TNPO3: variants seen among roughly 807,000 people sequenced by gnomAD.
The protein encoded by TNPO3 is transportin 3, also known as transportin-3.
A neutral mutation model predicts 122.8 loss-of-function variants in TNPO3; 65 were observed. That is an observed-to-expected ratio of 0.53 (90% CI 0.43 to 0.65). The LOEUF (loss-of-function observed/expected upper bound fraction) is 0.65, where lower values mean the gene tolerates loss of function less well. Ranked by LOEUF, TNPO3 falls within the 30% of genes least tolerant of loss-of-function variation. The probability of loss-of-function intolerance (pLI) is 0.00; values close to 1 mark genes in which losing one functional copy is unlikely to be tolerated. For missense variants in TNPO3, 850 were observed against 1,136.7 expected (o/e 0.75, Z 3.63); for synonymous variants, 372 against 411.2 (o/e 0.90, Z 1.15).
At chr7:129,047,207 T>C (rs531720898) in intron 1 of TNPO3, among the ~76,000 whole-genome samples, 3 of 152,334 alleles carry the variant, frequency 2.0e-5, no homozygotes, top group Middle Eastern at 3.4e-3. Context: ...TGAGGTAATA[T>C]CTAACCCAAA....
rs137891112 is a variant in TNPO3, at chr7:128,990,050, G to T, written c.1409C>A (p.Pro470Gln). ...TCGCACAGCCGTATGTACGGTCTCC[G>T]GGAGGCGGACAACTCCTTCTAGGAC... is the stretch of plus-strand genomic sequence containing the variant. ...VEVLEGVVRL[P>Q]ETVHTAVRYT... Residue 470 changes from proline (P) to glutamine (Q), a missense_variant, in exon 11 of 23, where the codon CCG becomes CAG. Pro to Gln is a moderately conservative substitution (Grantham distance 76). Transcript: ENST00000265388. The T allele has an allele frequency of 6.2e-7, 1 of 1,614,040 alleles. No homozygotes were observed. Among genetic ancestry groups the T allele is most frequent in the Non-Finnish European group, 8.5e-7 (1 of 1,180,042 alleles).
chr7:129,028,678 C>T (rs1054157740), intron 1 of TNPO3, among the ~76,000 whole-genome samples: 3 of 152,218 alleles, frequency 2.0e-5, no homozygotes, highest in Admixed American at 6.5e-5. Context: ...ACAGGCACAG[C>T]AGAGAGGTCC....
At chr7:128,969,381 ATATTAT>A (rs1563087807) in intron 20 of TNPO3, among the ~76,000 whole-genome samples, 1 of 152,176 alleles carries the variant, frequency 6.6e-6, no homozygotes, top group East Asian at 1.9e-4. Context: ...TATCTGTTAT[ATATTAT>A]TATTATCAAT....
chr7:128,971,695 A>T (rs1798508402), intron 19 of TNPO3, among the ~76,000 whole-genome samples: 1 of 152,202 alleles, frequency 6.6e-6, no homozygotes, highest in South Asian at 2.1e-4. Flanking sequence ...TTAGTTGTCT[A>T]CTAACAAACT....
Position 128,972,518 on chromosome 7 carries a change from C to T in TNPO3, c.2338G>A (p.Ala780Thr). Residue 780 changes from alanine (A) to threonine (T), a missense_variant, in exon 19 of 23, where the codon GCC (alanine) becomes ACC (threonine). By Grantham distance (58) the Ala-to-Thr change is moderately conservative (BLOSUM62 0). Coordinates refer to ENST00000265388, the MANE Select transcript of TNPO3 (RefSeq NM_012470.4). The stretch of plus-strand genomic sequence containing the variant: ...TGGTCCAGGGTAGTAGAGGCAATGG[C>T]CCACTGTAAGATAGGGATGACCACT... Reference protein sequence around the residue: ...SQVVIPILQWAIASTTLDHRD... With the variant: ...SQVVIPILQWTIASTTLDHRD... 6.2e-7 allele frequency: 1 copy of T among 1,614,000 alleles called. No homozygotes were observed. Among genetic ancestry groups the T allele is most frequent in the Non-Finnish European group, 8.5e-7 (1 of 1,179,938 alleles).
rs766481865 is a variant in TNPO3, at chr7:129,010,844, G to A, written c.552+4135C>T. 1.4e-3 allele frequency among the ~76,000 whole-genome samples: 207 copies of A among 151,966 alleles called. 1 individual carries two copies. Among genetic ancestry groups the A allele is most frequent in the Non-Finnish European group, 1.3e-3 (88 of 68,002 alleles). On this transcript the variant is annotated intron_variant, in intron 4 of 22. Coordinates refer to ENST00000265388, the MANE Select transcript of TNPO3 (RefSeq NM_012470.4). ...CTATAGGTTGGGTGTGGTGGTTCAC[G>A]TTTGTAATCTCATCATTAAGGGAGG...
intron 4 of TNPO3, among the ~76,000 whole-genome samples, chr7:129,013,787 C>CA (rs1803500182): frequency 6.6e-6 from 1 of 152,068 alleles, no homozygotes; most frequent in Admixed American, 6.6e-5. Flanking sequence ...TCGTTAGCCA[C>CA]AAAAAGAATA....
At chr7:128,989,906 G>GA in intron 11 of TNPO3, 55 bp downstream of exon 11, 1 of 1,586,106 alleles carries the variant, frequency 6.3e-7, no homozygotes, top group Non-Finnish European at 8.6e-7. Flanking sequence ...GAGATGAGAA[G>GA]AAAAATCAGA....
At chr7:129,051,882 G>C (rs1031395227) in intron 1 of TNPO3, among the ~76,000 whole-genome samples, 65 of 152,304 alleles carry the variant, frequency 4.3e-4, no homozygotes, top group Non-Finnish European at 7.9e-4. Flanking sequence ...GACCTCAAGC[G>C]ATCCGCCCGC....
chr7:129,027,579 AAAAAAAAAAAAAC>A lies in TNPO3; in HGVS notation c.121-9435_121-9423del, dbSNP rs1354172732. ...GTCTCAAAAAAAAAAAAAAAAAAAA[AAAAAAAAAAAAAC>A]AACACAAAAAATTCACTAAATACTC... On this transcript the variant is annotated intron_variant, in intron 1 of 22. Transcript: ENST00000265388. 1.1e-3 allele frequency among the ~76,000 whole-genome samples: 149 copies of A among 138,280 alleles called. 3 individuals carry two copies. The highest frequency in any genetic ancestry group is 2.6e-3 in the African/African-American group (101 of 38,156). The allele number at this position is 138,280 out of a possible 152,430, so 90.7% of individuals were successfully genotyped here.
Position 128,986,826 on chromosome 7 carries a change from T to A in TNPO3, c.1593A>T (p.Arg531=), listed in dbSNP as rs1800208124. ...KAIHNICSVC[R]DHMAQHFNGL... ...CATTAAAGTGCTGAGCCATGTGATC[T>A]CGGCAGACAGAGCAAATGTTATGAA... Residue 531 remains arginine (R), a synonymous_variant, in exon 12 of 23, where the codon CGA becomes CGT. Coordinates refer to ENST00000265388, the MANE Select transcript of TNPO3 (RefSeq NM_012470.4). 9.9e-6 allele frequency: 16 copies of A among 1,614,144 alleles called. No individual in the cohort carries two copies. Among genetic ancestry groups the A allele is most frequent in the Non-Finnish European group, 1.4e-5 (16 of 1,180,010 alleles).
chr7:129,031,130 C>CA (rs902206712), intron 1 of TNPO3, among the ~76,000 whole-genome samples: 6 of 151,984 alleles, frequency 3.9e-5, no homozygotes, highest in African/African-American at 1.4e-4. Flanking sequence ...ACTAAAAATA[C>CA]AAAAAAATAA....
At chr7:129,053,417 C>T (rs910843457) in intron 1 of TNPO3, among the ~76,000 whole-genome samples, 2 of 150,720 alleles carry the variant, frequency 1.3e-5, no homozygotes, top group African/African-American at 2.5e-5. Context: ...ATCTCTTGAA[C>T]CCGGGAGGAG....
intron 1 of TNPO3, among the ~76,000 whole-genome samples, chr7:129,051,113 G>C (rs1199468950): frequency 6.7e-6 from 1 of 149,582 alleles, no homozygotes; most frequent in Non-Finnish European, 1.5e-5. Context: ...ATTTGAGGGT[G>C]ACTTATTGTG....
At chr7:128,957,359 C>T in intron 21 of TNPO3, 44 bp from the exon 22 acceptor site, 1 of 1,602,730 alleles carries the variant, frequency 6.2e-7, no homozygotes, top group Admixed American at 1.7e-5. Flanking sequence ...AGGAGAAAGA[C>T]AGAATATGCT....
At position 129,054,921 on chromosome 7, in the gene TNPO3, G is replaced by A; in HGVS notation, c.-151C>T. The A allele has an allele frequency of 9.4e-7, 1 of 1,060,814 alleles. No individual in the cohort carries two copies. The highest frequency in any genetic ancestry group is 1.3e-6 in the Non-Finnish European group (1 of 741,104). The allele number at this position is 1,060,814 out of a possible 1,614,324, so 65.7% of individuals were successfully genotyped here. A position where few individuals can be genotyped will look rare whatever the true frequency, so the allele number is the denominator to read the frequency against. On this transcript the variant is annotated 5_prime_UTR_variant, in exon 1 of 23. Coordinates refer to ENST00000265388, the MANE Select transcript of TNPO3 (RefSeq NM_012470.4). ...TCTTTGGCCGTTACCAGGGCAGAAG[G>A]CTCTCCGTGGAAGTTGCCCCCTCGG...
At chr7:128,987,010 T>C (rs1800233164) in intron 11 of TNPO3, 90 bp from the exon 12 acceptor site, 1 of 1,359,324 alleles carries the variant, frequency 7.4e-7, no homozygotes, top group African/African-American at 1.5e-5. Flanking sequence ...GCTTTTCTTT[T>C]TTTAAAGCAA....
At chr7:128,976,856 G>T (rs1799110708) in intron 16 of TNPO3, among the ~76,000 whole-genome samples, 1 of 152,222 alleles carries the variant, frequency 6.6e-6, no homozygotes, top group South Asian at 2.1e-4. Flanking sequence ...TGGGAGCTAT[G>T]AATCCATTCC....
At chr7:129,037,463 T>C (rs1332023984) in intron 1 of TNPO3, among the ~76,000 whole-genome samples, 6 of 151,972 alleles carry the variant, frequency 3.9e-5, no homozygotes, top group African/African-American at 1.2e-4. Context: ...TTCTAACAAA[T>C]TGAGAAAGGC....
Sources: gnomAD v4.1 joint callset for allele counts (sites outside exome capture counted in the v4.1 genomes callset) on GRCh38, gnomAD v4.1.1 for gene constraint, MANE v1.5 for transcripts, NCBI Gene and HGNC (gene_info 2026-07-23, HGNC 2026-07-21) for gene names.